GALNT13: variants seen among roughly 807,000 people sequenced by gnomAD.
The protein encoded by GALNT13 is polypeptide N-acetylgalactosaminyltransferase 13, also known as UDP-GalNAc:polypeptide N-acetylgalactosaminyltransferase 13.
GALNT13 carries 28 observed loss-of-function variants against 64.2 expected under a neutral mutation model. The ratio of observed to expected loss-of-function variants is 0.44; its 90% CI spans 0.32 to 0.60. The LOEUF (loss-of-function observed/expected upper bound fraction) is 0.60. GALNT13 is among the 20% of genes least tolerant of loss of function. The pLI is 0.05. For synonymous variants in GALNT13, 214 were observed against 224.6 expected, an observed-to-expected ratio of 0.95 and a Z score of 0.42; for missense variants, 577 against 669.8, an observed-to-expected ratio of 0.86 and a Z score of 1.53.
intron 8 of GALNT13, among the ~76,000 whole-genome samples, chr2:154,284,372 G>A (rs778076015): frequency 7.9e-5 from 12 of 151,882 alleles, no homozygotes; most frequent in Non-Finnish European, 1.3e-4. Flanking sequence ...TAATCTTTCT[G>A]TGCCTGGCTT....
the GALNT13 span, among the ~76,000 whole-genome samples, chr2:153,405,035 G>A: frequency 1.6e-4 from 25 of 152,314 alleles, no homozygotes; most frequent in South Asian, 4.1e-4. Context: ...GCTAGCCAGA[G>A]CTTGTGGTGT....
At chr2:153,386,303 A>G in the GALNT13 span, among the ~76,000 whole-genome samples, 1 of 152,110 alleles carries the variant, frequency 6.6e-6, no homozygotes, top group Non-Finnish European at 1.5e-5. Context: ...GGGGAACTAC[A>G]TTAAAAGGAA....
chr2:153,671,063 A>G, the GALNT13 span, among the ~76,000 whole-genome samples: 5 of 152,228 alleles, frequency 3.3e-5, no homozygotes, highest in African/African-American at 1.2e-4. Flanking sequence ...AAAAGACTAA[A>G]TCTACATTTG....
At chr2:153,407,290 T>A in the GALNT13 span, among the ~76,000 whole-genome samples, 3 of 152,192 alleles carry the variant, frequency 2.0e-5, no homozygotes, top group Non-Finnish European at 2.9e-5. Context: ...TTAAGTCTAA[T>A]AACTATTGCA....
chr2:154,199,681 G>T (rs902858281), intron 4 of GALNT13, among the ~76,000 whole-genome samples: 1 of 151,908 alleles, frequency 6.6e-6, no homozygotes, highest in Non-Finnish European at 1.5e-5. Flanking sequence ...TAAAAAAACA[G>T]TCTTATAATT....
At chr2:154,367,814 A>G (rs1697455704) in intron 9 of GALNT13, among the ~76,000 whole-genome samples, 2 of 152,226 alleles carry the variant, frequency 1.3e-5, no homozygotes, top group Non-Finnish European at 2.9e-5. Flanking sequence ...AATGACAGGC[A>G]TAGATAAAGA....
chr2:154,291,705 G>A (rs1446477398), intron 8 of GALNT13, among the ~76,000 whole-genome samples: 1 of 152,210 alleles, frequency 6.6e-6, no homozygotes, highest in Admixed American at 6.5e-5. Flanking sequence ...GCCAGACCAG[G>A]GAGCTGGCTC....
the GALNT13 span, among the ~76,000 whole-genome samples, chr2:153,240,616 G>A: frequency 1.3e-5 from 2 of 152,100 alleles, no homozygotes; most frequent in African/African-American, 4.8e-5. Flanking sequence ...ATAGACCTGG[G>A]GAGACATCCC....
chr2:153,875,415 T>C (rs1686293717), intron 1 of GALNT13, among the ~76,000 whole-genome samples: 1 of 152,184 alleles, frequency 6.6e-6, no homozygotes, highest in Admixed American at 6.5e-5. Flanking sequence ...CTGATATTGT[T>C]TGAGAGACCT....
chr2:154,126,530 G>T (rs1304084026), intron 3 of GALNT13, among the ~76,000 whole-genome samples: 1 of 151,828 alleles, frequency 6.6e-6, no homozygotes, highest in Non-Finnish European at 1.5e-5. Flanking sequence ...AGCCACCAGG[G>T]AGGCTGAGGC....
chr2:153,318,649 T>G, the GALNT13 span, among the ~76,000 whole-genome samples: 22,855 of 152,196 alleles, frequency 0.15, 1,869 homozygotes, highest in Middle Eastern at 0.21. Flanking sequence ...ATGTCAGATG[T>G]AGCCTTGGAC....
At chr2:153,129,734 C>T in the GALNT13 span, among the ~76,000 whole-genome samples, 2 of 151,752 alleles carry the variant, frequency 1.3e-5, no homozygotes, top group African/African-American at 2.4e-5. Context: ...CGTGCCACTG[C>T]ACTCCAGCCT....
chr2:154,146,503 G>C (rs1683609654), intron 4 of GALNT13, among the ~76,000 whole-genome samples: 1 of 152,036 alleles, frequency 6.6e-6, no homozygotes, highest in East Asian at 1.9e-4. Context: ...ACATAGCTGA[G>C]TAATGTTAAG....
chr2:154,138,338 C>T lies in GALNT13; in HGVS notation c.143-1999C>T, dbSNP rs79165247. ...TTATGCCAGTTTAATTCTTATATCA[C>T]CACAGAATGTAAGAGGATAAAGAAG... On this transcript the variant is annotated intron_variant, in intron 3 of 12. Coordinates refer to ENST00000392825, the MANE Select transcript of GALNT13 (RefSeq NM_052917.4). 8.4e-4 allele frequency among the ~76,000 whole-genome samples: 127 copies of T among 152,042 alleles called. 1 individual carries two copies. The South Asian group carries it at 0.012, about 14-fold the overall frequency.
the GALNT13 span, among the ~76,000 whole-genome samples, chr2:153,609,268 G>C: frequency 6.6e-6 from 1 of 152,078 alleles, no homozygotes; most frequent in Non-Finnish European, 1.5e-5. Context: ...GTATTTTGAA[G>C]TATAATTTTT....
At chr2:154,012,131 C>T (rs1320424309) in intron 3 of GALNT13, among the ~76,000 whole-genome samples, 1 of 152,106 alleles carries the variant, frequency 6.6e-6, no homozygotes, top group Non-Finnish European at 1.5e-5. Flanking sequence ...TAGTATTATG[C>T]AGACTGGATT....
At chr2:153,861,960 G>A in the GALNT13 span, among the ~76,000 whole-genome samples, 1 of 152,096 alleles carries the variant, frequency 6.6e-6, no homozygotes, top group Admixed American at 6.5e-5. Flanking sequence ...TGGCTCACGT[G>A]GTTTGCAGAC....
chr2:153,577,922 T>G, the GALNT13 span, among the ~76,000 whole-genome samples: 1 of 151,180 alleles, frequency 6.6e-6, no homozygotes, highest in Non-Finnish European at 1.5e-5. Context: ...ATATATATTT[T>G]TAAACACAGG....
the GALNT13 span, among the ~76,000 whole-genome samples, chr2:153,349,740 A>C: frequency 2.6e-5 from 4 of 152,158 alleles, no homozygotes; most frequent in Non-Finnish European, 5.9e-5. Flanking sequence ...AAACCGAGTA[A>C]GTCTTGTCAA....
Sources: gnomAD v4.1 joint callset for allele counts (sites outside exome capture counted in the v4.1 genomes callset) on GRCh38, gnomAD v4.1.1 for gene constraint, MANE v1.5 for transcripts, NCBI Gene and HGNC (gene_info 2026-07-23, HGNC 2026-07-21) for gene names.